The following WDR70 variants were observed in gnomAD, a reference collection of about 807,000 sequenced individuals.
WDR70 encodes the protein WD repeat-containing protein 70.
A neutral mutation model predicts 88.6 loss-of-function variants in WDR70; 53 were observed. The observed-to-expected ratio is 0.60, with a 90% CI of 0.48 to 0.75. The LOEUF is 0.75. Ranked by LOEUF, WDR70 falls within the 30% of genes least tolerant of loss-of-function variation. WDR70 has a pLI of 0.00. For missense variants in WDR70, 610 were observed against 823.2 expected (o/e 0.74, Z 3.17); for synonymous variants, 280 against 270.0 (o/e 1.04, Z -0.36).
intron 4 of WDR70, among the ~76,000 whole-genome samples, chr5:37,393,496 T>C (rs762852170): frequency 4.6e-5 from 7 of 152,168 alleles, no homozygotes; most frequent in Non-Finnish European, 7.3e-5. Context: ...TAGGTGTTTA[T>C]TGTTGTAAAT....
At chr5:37,625,567 T>C (rs1744640358) in intron 10 of WDR70, among the ~76,000 whole-genome samples, 1 of 152,098 alleles carries the variant, frequency 6.6e-6, no homozygotes, top group Admixed American at 6.6e-5. Context: ...CTCTGTCACT[T>C]AGGCTGGAGT....
At chr5:37,454,197 T>C (rs1738761125) in intron 7 of WDR70, among the ~76,000 whole-genome samples, 1 of 152,222 alleles carries the variant, frequency 6.6e-6, no homozygotes, top group South Asian at 2.1e-4. Flanking sequence ...CTGGAGGATC[T>C]GAAATCCTTG....
At chr5:37,606,702 G>A (rs1744038402) in intron 10 of WDR70, among the ~76,000 whole-genome samples, 1 of 152,014 alleles carries the variant, frequency 6.6e-6, no homozygotes, top group Non-Finnish European at 1.5e-5. Flanking sequence ...TGTTTTGTTA[G>A]AATGTATTTA....
intron 8 of WDR70, among the ~76,000 whole-genome samples, chr5:37,493,324 T>A (rs755234837): frequency 6.6e-6 from 1 of 152,150 alleles, no homozygotes; most frequent in Non-Finnish European, 1.5e-5. Flanking sequence ...GCATTCCTAA[T>A]GCATTCCTTG....
chr5:37,438,962 G>C (rs1750568486), intron 6 of WDR70, among the ~76,000 whole-genome samples: 1 of 149,800 alleles, frequency 6.7e-6, no homozygotes, highest in African/African-American at 2.4e-5. Flanking sequence ...CTGTCACCTA[G>C]GCTGGAGTGC....
chr5:37,477,466 G>A (rs1461962146), intron 7 of WDR70, among the ~76,000 whole-genome samples: 2 of 152,046 alleles, frequency 1.3e-5, no homozygotes, highest in Non-Finnish European at 2.9e-5. Flanking sequence ...TATTGATTTT[G>A]GGAGGAAGGG....
chr5:37,407,893 G>A (rs1749402053), intron 5 of WDR70, among the ~76,000 whole-genome samples: 2 of 152,072 alleles, frequency 1.3e-5, no homozygotes, highest in South Asian at 4.1e-4. Flanking sequence ...AGAAGCCTGT[G>A]GAATTGAGTG....
At chr5:37,638,424 G>T (rs1207608549) in intron 10 of WDR70, among the ~76,000 whole-genome samples, 1 of 152,132 alleles carries the variant, frequency 6.6e-6, no homozygotes, top group East Asian at 1.9e-4. Flanking sequence ...TAAAATGGGG[G>T]TAATAGCAGT....
At chr5:37,710,014 AGTT>A (rs959783582) in intron 13 of WDR70, among the ~76,000 whole-genome samples, 2 of 152,074 alleles carry the variant, frequency 1.3e-5, no homozygotes, top group African/African-American at 4.8e-5. Context: ...GTTCCAGAGC[AGTT>A]GTTCTTCAGA....
chr5:37,414,868 A>T (rs1749647639), intron 5 of WDR70, among the ~76,000 whole-genome samples: 1 of 148,994 alleles, frequency 6.7e-6, no homozygotes, highest in South Asian at 2.1e-4. Context: ...TAGTGGAGGG[A>T]AGGTCAGCAG....
intron 10 of WDR70, among the ~76,000 whole-genome samples, chr5:37,640,870 T>C (rs1008972027): frequency 5.9e-5 from 9 of 152,186 alleles, no homozygotes; most frequent in African/African-American, 1.7e-4. Context: ...TTGAATAAAA[T>C]TGAGGTTTGG....
At chr5:37,650,212 A>G (rs1346744700) in intron 10 of WDR70, among the ~76,000 whole-genome samples, 1 of 150,410 alleles carries the variant, frequency 6.6e-6, no homozygotes, top group Non-Finnish European at 1.5e-5. Flanking sequence ...CCTGGCTAAC[A>G]CAGTGAAACC....
chr5:37,631,787 G>A (rs979392208), intron 10 of WDR70, among the ~76,000 whole-genome samples: 2 of 152,120 alleles, frequency 1.3e-5, no homozygotes, highest in Non-Finnish European at 2.9e-5. Flanking sequence ...TTTCCTCTAC[G>A]GGTTGTTTCA....
intron 10 of WDR70, among the ~76,000 whole-genome samples, chr5:37,677,355 T>G (rs1746261934): frequency 1.3e-5 from 2 of 152,202 alleles, no homozygotes; most frequent in South Asian, 4.1e-4. Context: ...CTTTCCTGCT[T>G]TCTCTTGTGG....
chr5:37,560,721 ATCACTGGGCCT>A (rs1181537307), intron 9 of WDR70, among the ~76,000 whole-genome samples: 2 of 152,214 alleles, frequency 1.3e-5, no homozygotes, highest in African/African-American at 2.4e-5. Flanking sequence ...GACATTTGGA[ATCACTGGGCCT>A]TCACTGGGCC....
At chr5:37,631,230 G>T (rs549430683) in intron 10 of WDR70, among the ~76,000 whole-genome samples, 2 of 152,138 alleles carry the variant, frequency 1.3e-5, no homozygotes, top group South Asian at 4.2e-4. Context: ...TTTTAGTCTG[G>T]GGGGACAAAT....
intron 10 of WDR70, among the ~76,000 whole-genome samples, chr5:37,664,193 TC>T (rs1745775949): frequency 6.6e-6 from 1 of 152,180 alleles, no homozygotes; most frequent in Admixed American, 6.5e-5. Flanking sequence ...AATTCATCTT[TC>T]CCACCACTGC....
At chr5:37,722,496 GA>G (rs1398450102) in intron 14 of WDR70, 3 of 228,202 alleles carry the variant, frequency 1.3e-5, no homozygotes, top group African/African-American at 2.3e-5. Context: ...TTTAGTCTGA[GA>G]CATAAACTAA....
Position 37,381,639 on chromosome 5 carries a change from T to G in WDR70, c.129T>G (p.Phe43Leu). 6.2e-7 allele frequency: 1 copy of G among 1,612,292 alleles called. No individual in the cohort carries two copies. Among genetic ancestry groups the G allele is most frequent in the Non-Finnish European group, 8.5e-7 (1 of 1,178,690 alleles). ...KARTFDLEAMFEQTRRTAVER... is the reference protein window; with the variant it reads ...KARTFDLEAMLEQTRRTAVER... ...GCACATTTGACTTGGAAGCAATGTT[T>G]GAACAAACTCGAAGGACAGCTGTGG... is the stretch of plus-strand genomic sequence containing the variant. Residue 43 changes from phenylalanine (F) to leucine (L), a missense_variant, in exon 3 of 18, where the codon TTT (phenylalanine) becomes TTG (leucine). By Grantham distance (22) the Phe-to-Leu change is conservative. Transcript: ENST00000265107.
Sources: gnomAD v4.1 joint callset for allele counts (sites outside exome capture counted in the v4.1 genomes callset) on GRCh38, gnomAD v4.1.1 for gene constraint, MANE v1.5 for transcripts, NCBI Gene and HGNC (gene_info 2026-07-23, HGNC 2026-07-21) for gene names.